The following RANBP17 variants were observed in gnomAD, a reference collection of about 807,000 sequenced individuals.
RANBP17 encodes the protein RAN binding protein 17, also known as ran-binding protein 17.
RANBP17 carries 158 observed loss-of-function variants against 141.2 expected under a neutral mutation model. The observed-to-expected ratio is 1.12, with a 90% confidence interval of 0.98 to 1.28. The LOEUF (loss-of-function observed/expected upper bound fraction) is 1.28. Among genes scored for constraint, RANBP17 ranks in the 50% most tolerant of loss-of-function variants. The pLI, the probability that RANBP17 is intolerant of heterozygous loss-of-function variation, is 0.00. For synonymous variants in RANBP17, 430 were observed against 450.0 expected (o/e 0.96, Z 0.56); for missense variants, 1,438 against 1,290.7 (o/e 1.11, Z -1.75).
chr5:171,022,835 G>A (rs910073075), intron 14 of RANBP17, among the ~76,000 whole-genome samples: 1 of 152,218 alleles, frequency 6.6e-6, no homozygotes, highest in African/African-American at 2.4e-5. Context: ...GAGCTTGGTA[G>A]GCTTAAGCAG....
At chr5:171,269,433 C>T (rs1305973702) in intron 25 of RANBP17, among the ~76,000 whole-genome samples, 2 of 152,136 alleles carry the variant, frequency 1.3e-5, no homozygotes, top group Non-Finnish European at 2.9e-5. Flanking sequence ...GTAAAAGCGG[C>T]AGGCAGGAGT....
intron 24 of RANBP17, among the ~76,000 whole-genome samples, chr5:171,248,842 CCTACCACTGCTA>C (rs1259814653): frequency 2.0e-5 from 3 of 152,284 alleles, no homozygotes; most frequent in Non-Finnish European, 4.4e-5. Context: ...AAAGGGTCAT[CCTACCACTGCTA>C]CTTCCATCAC....
intron 3 of RANBP17, among the ~76,000 whole-genome samples, chr5:170,885,374 C>T (rs1171222534): frequency 6.6e-6 from 1 of 152,132 alleles, no homozygotes; most frequent in Non-Finnish European, 1.5e-5. Context: ...CTAGGTTTGG[C>T]ATAGGAGATA....
chr5:171,080,038 T>C (rs577885307), intron 14 of RANBP17, among the ~76,000 whole-genome samples: 1 of 152,252 alleles, frequency 6.6e-6, no homozygotes, highest in South Asian at 2.1e-4. Context: ...CTGATCCTGA[T>C]AACATTTTTT....
At chr5:170,867,393 GA>G (rs1463892055) in intron 1 of RANBP17, among the ~76,000 whole-genome samples, 4 of 151,434 alleles carry the variant, frequency 2.6e-5, no homozygotes, top group African/African-American at 9.7e-5. Flanking sequence ...GGATTGGTTT[GA>G]AAAAAAGGTG....
chr5:171,124,452 G>A (rs944293167), intron 14 of RANBP17, among the ~76,000 whole-genome samples: 2 of 152,070 alleles, frequency 1.3e-5, no homozygotes. Context: ...CGAAATACTA[G>A]CTGAAAACTA....
At chr5:171,128,780 A>C (rs1470403805) in intron 14 of RANBP17, among the ~76,000 whole-genome samples, 3 of 151,826 alleles carry the variant, frequency 2.0e-5, no homozygotes, top group Non-Finnish European at 4.4e-5. Flanking sequence ...TCATAAATAT[A>C]TACAATGATT....
At chr5:170,968,136 C>A (rs1431364586) in intron 13 of RANBP17, 106 bp from the exon 14 acceptor site, 3 of 779,766 alleles carry the variant, frequency 3.8e-6, no homozygotes, top group Non-Finnish European at 5.7e-6. Context: ...TATTTTCCCA[C>A]TTTTTACAGT....
At chr5:171,146,552 A>G (rs976442343) in intron 14 of RANBP17, among the ~76,000 whole-genome samples, 1 of 152,206 alleles carries the variant, frequency 6.6e-6, no homozygotes, top group Admixed American at 6.5e-5. Flanking sequence ...TAAGACCAAA[A>G]AAAAACGGTA....
intron 14 of RANBP17, among the ~76,000 whole-genome samples, chr5:170,994,072 G>GT (rs1561966697): frequency 6.6e-6 from 1 of 151,840 alleles, no homozygotes; most frequent in Non-Finnish European, 1.5e-5. Flanking sequence ...ACCTACTTAT[G>GT]TTTTGCAAAA....
intron 20 of RANBP17, among the ~76,000 whole-genome samples, chr5:171,208,771 G>A (rs933638498): frequency 1.6e-4 from 24 of 152,074 alleles, no homozygotes; most frequent in African/African-American, 3.4e-4. Flanking sequence ...TCACAATTTC[G>A]CTTTCCATAA....
At chr5:170,943,747 C>T (rs1262682351) in intron 12 of RANBP17, among the ~76,000 whole-genome samples, 4 of 151,900 alleles carry the variant, frequency 2.6e-5, no homozygotes, top group African/African-American at 9.7e-5. Flanking sequence ...AATTATGTTA[C>T]CAAAATAACA....
chr5:171,262,584 A>G (rs1490724003), intron 24 of RANBP17, among the ~76,000 whole-genome samples: 1 of 152,142 alleles, frequency 6.6e-6, no homozygotes, highest in Non-Finnish European at 1.5e-5. Context: ...ATAGGTATAC[A>G]CTGTGTAATG....
chr5:171,179,125 A>G (rs917443186), intron 16 of RANBP17, among the ~76,000 whole-genome samples: 72 of 152,126 alleles, frequency 4.7e-4, no homozygotes, highest in African/African-American at 1.7e-3. Flanking sequence ...GGTATTGCCT[A>G]GGTTTTCTTC....
At chr5:171,169,500 C>G (rs578206952) in intron 14 of RANBP17, among the ~76,000 whole-genome samples, 8 of 152,252 alleles carry the variant, frequency 5.3e-5, no homozygotes, top group Admixed American at 4.6e-4. Flanking sequence ...GCAACCAACA[C>G]TCCCTAATTG....
At chr5:171,160,510 T>A (rs954556944) in intron 14 of RANBP17, among the ~76,000 whole-genome samples, 1 of 152,184 alleles carries the variant, frequency 6.6e-6, no homozygotes, top group Non-Finnish European at 1.5e-5. Flanking sequence ...GATTAGGTAC[T>A]ACTCTCATCC....
At chr5:171,054,651 G>A (rs1018226103) in intron 14 of RANBP17, among the ~76,000 whole-genome samples, 2 of 152,054 alleles carry the variant, frequency 1.3e-5, no homozygotes, top group Admixed American at 1.3e-4. Context: ...ACCTTTTGCC[G>A]ACCTTCTGTC....
intron 27 of RANBP17, 122 bp downstream of exon 27, chr5:171,296,136 C>G (rs1768802170): frequency 1.0e-6 from 1 of 968,876 alleles, no homozygotes; most frequent in African/African-American, 1.7e-5. Context: ...ACCTTGTGAT[C>G]CTAGACTCAG....
At chr5:170,878,732 T>C (rs1036963385) in intron 2 of RANBP17, among the ~76,000 whole-genome samples, 3 of 152,204 alleles carry the variant, frequency 2.0e-5, no homozygotes, top group African/African-American at 7.2e-5. Flanking sequence ...ACTTGATTTA[T>C]GTACATGAAT....
Sources: gnomAD v4.1 joint callset for allele counts (sites outside exome capture counted in the v4.1 genomes callset) on GRCh38, gnomAD v4.1.1 for gene constraint, MANE v1.5 for transcripts, NCBI Gene and HGNC (gene_info 2026-07-23, HGNC 2026-07-21) for gene names.